INTS3: variants seen among roughly 807,000 people sequenced by gnomAD.
The protein encoded by INTS3 is integrator complex subunit 3.
INTS3 carries 34 observed loss-of-function variants against 146.3 expected under a neutral mutation model. The ratio of observed to expected loss-of-function variants is 0.23; its 90% confidence interval spans 0.18 to 0.31. The LOEUF is 0.31. Among genes scored for constraint, INTS3 ranks in the 10% least tolerant of loss-of-function variants. The pLI is 1.00. For synonymous variants in INTS3, 475 were observed against 494.9 expected (o/e 0.96, Z 0.53); for missense variants, 757 against 1,304.2 (o/e 0.58, Z 6.46).
chr1:153,729,821 C>T (rs1030998367), intron 1 of INTS3, among the ~76,000 whole-genome samples: 2 of 148,574 alleles, frequency 1.3e-5, no homozygotes, highest in African/African-American at 5.0e-5. Context: ...GCCAAGATTG[C>T]GCCACTGCAC....
intron 18 of INTS3, 89 bp from the exon 19 acceptor site, chr1:153,764,601 G>A: frequency 1.0e-6 from 1 of 962,250 alleles, no homozygotes; most frequent in Non-Finnish European, 1.7e-6. Flanking sequence ...TAGGGAAGGA[G>A]CAGGCTGGTG....
At chr1:153,736,187 G>GA (rs1671277962) in intron 1 of INTS3, among the ~76,000 whole-genome samples, 1 of 152,194 alleles carries the variant, frequency 6.6e-6, no homozygotes, top group South Asian at 2.1e-4. Context: ...TGACCTCACA[G>GA]CTCCTTTTCA....
chr1:153,746,591 C>G (rs532422826), intron 3 of INTS3, among the ~76,000 whole-genome samples: 2 of 152,168 alleles, frequency 1.3e-5, no homozygotes, highest in African/African-American at 2.4e-5. Flanking sequence ...TTAGTAGAGA[C>G]GGGGTTTCAC....
At chr1:153,773,102 CAG>C (rs1237576235) in intron 29 of INTS3, 21 bp downstream of exon 29, 9 of 1,613,992 alleles carry the variant, frequency 5.6e-6, no homozygotes, top group Non-Finnish European at 5.9e-6. Context: ...AGCCAGTGCA[CAG>C]GGGGAAAAGG....
chr1:153,759,494 C>T (rs1242351264), intron 10 of INTS3, 32 bp from the exon 11 acceptor site: 2 of 1,447,274 alleles, frequency 1.4e-6, no homozygotes, highest in Admixed American at 1.7e-5. Flanking sequence ...ATTGATGAAA[C>T]TAGCCCTCTG....
At chr1:153,769,029 C>G in intron 22 of INTS3, 68 bp downstream of exon 22, 2 of 1,277,204 alleles carry the variant, frequency 1.6e-6, no homozygotes, top group African/African-American at 1.5e-5. Flanking sequence ...GGCCTCTGCT[C>G]TCCCTCCAGG....
rs567444836 is a variant in INTS3 at position 153,768,969 on chromosome 1, T to C, written c.2313+8T>C. 34 of 1,611,170 alleles carry C rather than the reference T, an allele frequency of 2.1e-5. No individual in the cohort carries two copies. Among genetic ancestry groups the C allele is most frequent in the South Asian group, 2.1e-4 (19 of 91,018 alleles). On this transcript the variant is annotated splice_region_variant and intron_variant, in intron 22 of 29. Transcript: ENST00000318967. Reference sequence around the variant, plus strand: ...GTTATTGACTCTGCACAGGTGAACATTGAGCTCTGACCTCCCCAGAAGATC... The same window carrying C: ...GTTATTGACTCTGCACAGGTGAACACTGAGCTCTGACCTCCCCAGAAGATC...
Position 153,762,756 on chromosome 1 carries a change from G to A in INTS3, c.1545G>A (p.Glu515=). The stretch of plus-strand genomic sequence containing the variant: ...AAATTGAGGAGCCAGTTTCCATGGA[G>A]ATGGACAACCATATGTCGGATAAGG... The part of the protein sequence containing the change: ...EVKIEEPVSM[E]MDNHMSDKDE... The change falls in exon 15 of 30, where the codon GAG becomes GAA. Residue 515 remains glutamate, a synonymous_variant. Transcript: ENST00000318967. 2 of 1,614,178 alleles carry A rather than the reference G, an allele frequency of 1.2e-6. No homozygotes were observed. Among genetic ancestry groups the A allele is most frequent in the South Asian group, 2.2e-5 (2 of 91,078 alleles).
rs1275784846 is a variant in INTS3, at chr1:153,765,070, A to G, written c.2090+7A>G. 6.2e-7 allele frequency: 1 copy of G among 1,614,026 alleles called. No homozygotes were observed. ...TCTACTACCTGAGGGCCAGGTGGGT[A>G]TGGTCCCCATGTTTCAAATGGTGTC... On this transcript the variant is annotated splice_region_variant and intron_variant, in intron 20 of 29. Coordinates refer to ENST00000318967, the MANE Select transcript of INTS3 (RefSeq NM_023015.5).
chr1:153,730,697 T>A (rs1203036679), intron 1 of INTS3, among the ~76,000 whole-genome samples: 1 of 152,162 alleles, frequency 6.6e-6, no homozygotes. Flanking sequence ...GAGAGTGAAC[T>A]TCCAACTGTT....
chr1:153,755,250 T>G (rs1034568772), intron 9 of INTS3, among the ~76,000 whole-genome samples: 14 of 146,088 alleles, frequency 9.6e-5, no homozygotes, highest in South Asian at 2.2e-4. Flanking sequence ...ATTTGTGGGG[T>G]TTTTTTTTTG....
chr1:153,741,141 A>C (rs1349015993), intron 2 of INTS3, 144 bp from the exon 3 acceptor site: 9 of 709,706 alleles, frequency 1.3e-5, no homozygotes, highest in Non-Finnish European at 2.0e-5. Context: ...AATCTCTTTT[A>C]AGAGAAGGAA....
chr1:153,758,583 A>G (rs140370024), intron 10 of INTS3, among the ~76,000 whole-genome samples: 2,161 of 152,000 alleles, frequency 0.014, 23 homozygotes, highest in Admixed American at 0.023. Context: ...TGAGGTGGGC[A>G]GATTGCTTGA....
At chr1:153,764,519 C>T (rs532178024) in intron 18 of INTS3, among the ~76,000 whole-genome samples, 171 bp from the exon 19 acceptor site, 69 of 152,292 alleles carry the variant, frequency 4.5e-4, no homozygotes, top group Non-Finnish European at 8.7e-4. Flanking sequence ...AGGGCAAGAG[C>T]GTGGTCCCAT....
chr1:153,734,484 A>G (rs1671213493), intron 1 of INTS3, among the ~76,000 whole-genome samples: 1 of 152,184 alleles, frequency 6.6e-6, no homozygotes, highest in Non-Finnish European at 1.5e-5. Context: ...CCACCCATCC[A>G]AATTCTGGAC....
At chr1:153,734,853 T>C (rs1204873811) in intron 1 of INTS3, among the ~76,000 whole-genome samples, 1 of 152,174 alleles carries the variant, frequency 6.6e-6, no homozygotes, top group Non-Finnish European at 1.5e-5. Context: ...TGGTAGGAGT[T>C]TTCAGGAATC....
chr1:153,738,386 G>A (rs2101783707), intron 1 of INTS3, among the ~76,000 whole-genome samples: 1 of 152,276 alleles, frequency 6.6e-6, no homozygotes. Flanking sequence ...GAGCTACCGT[G>A]CCCAGCCCTT....
intron 1 of INTS3, among the ~76,000 whole-genome samples, chr1:153,732,639 G>T (rs935917920): frequency 6.6e-6 from 1 of 151,676 alleles, no homozygotes; most frequent in Non-Finnish European, 1.5e-5. Context: ...GTAGAGACGG[G>T]GTTTCACCAC....
rs1672306074 is a variant in INTS3, at chr1:153,759,799, C to T, written c.1237+186C>T. 6.7e-6 allele frequency: 4 copies of T among 597,552 alleles called. No homozygotes were observed. The South Asian group carries it at 8.1e-5, about 12-fold the overall frequency. The allele number at this position is 597,552 out of a possible 1,614,324, so 37.0% of individuals were successfully genotyped here. A position where few individuals can be genotyped will look rare whatever the true frequency, so the allele number is the denominator to read the frequency against. ...GAGAATTGCTTTGATAAGGCTAAGC[C>T]ATCACTGTACCTCCTCCCCACAGTC... On this transcript the variant is annotated intron_variant, in intron 11 of 29. Coordinates refer to ENST00000318967, the MANE Select transcript of INTS3 (RefSeq NM_023015.5).
Sources: gnomAD v4.1 joint callset for allele counts (sites outside exome capture counted in the v4.1 genomes callset) on GRCh38, gnomAD v4.1.1 for gene constraint, MANE v1.5 for transcripts, NCBI Gene and HGNC (gene_info 2026-07-23, HGNC 2026-07-21) for gene names.